Variants in CEP128 observed in about 807,000 individuals in gnomAD.
CEP128 encodes the protein centrosomal protein 128kDa.
Under a neutral mutation model 156.7 loss-of-function variants are expected in CEP128, and 132 were observed. That is an observed-to-expected ratio of 0.84 (90% CI 0.73 to 0.97). The LOEUF is 0.97. Among genes scored for constraint, CEP128 ranks in the 50% least tolerant of loss-of-function variants. The probability of loss-of-function intolerance (pLI) is 0.00; values close to 1 mark genes in which losing one functional copy is unlikely to be tolerated. For missense variants in CEP128, 1,252 were observed against 1,281.9 expected, an observed-to-expected ratio of 0.98 and a Z score of 0.36; for synonymous variants, 469 against 448.9, an observed-to-expected ratio of 1.04 and a Z score of -0.57.
At chr14:80,479,207 G>T (rs1887003282) in intron 14 of CEP128, among the ~76,000 whole-genome samples, 1 of 152,208 alleles carries the variant, frequency 6.6e-6, no homozygotes, top group African/African-American at 2.4e-5. Flanking sequence ...CTAATCTTAT[G>T]CTATTTTTAA....
chr14:80,603,330 T>C (rs557762260), intron 19 of CEP128, among the ~76,000 whole-genome samples: 69 of 152,328 alleles, frequency 4.5e-4, no homozygotes, highest in African/African-American at 1.6e-3. Flanking sequence ...AGATTTGTGG[T>C]TGCCAGAGGC....
intron 19 of CEP128, among the ~76,000 whole-genome samples, chr14:80,668,813 A>C (rs1183796431): frequency 1.3e-5 from 2 of 152,134 alleles, no homozygotes; most frequent in African/African-American, 4.8e-5. Context: ...GTGGGAGGTA[A>C]TTGAATCATA....
chr14:80,908,206 A>T (rs1325536611), intron 4 of CEP128, among the ~76,000 whole-genome samples: 1 of 152,192 alleles, frequency 6.6e-6, no homozygotes, highest in Non-Finnish European at 1.5e-5. Flanking sequence ...AGATCACAAA[A>T]TCCATAGCTT....
chr14:80,500,657 G>A (rs550807605), intron 24 of CEP128, among the ~76,000 whole-genome samples: 32 of 152,238 alleles, frequency 2.1e-4, no homozygotes, highest in African/African-American at 7.7e-4. Context: ...CCACTCCCCA[G>A]AGTCAGCTAT....
At chr14:80,584,141 ATTTTTTTTT>A (rs992004088) in intron 19 of CEP128, among the ~76,000 whole-genome samples, 2 of 117,372 alleles carry the variant, frequency 1.7e-5, no homozygotes, top group South Asian at 2.9e-4. Context: ...CGTCCGTGAC[ATTTTTTTTT>A]TTTTTTTTTT....
At position 80,895,620 on chromosome 14, in the gene CEP128, C is replaced by T. The variant is rs1889309188; in HGVS notation, c.645+98G>A. 7 of 746,900 alleles carry T rather than the reference C, an allele frequency of 9.4e-6. No individual in the cohort carries two copies. The East Asian group carries it at 1.7e-4, about 19-fold the overall frequency. The allele number at this position is 746,900 out of a possible 1,614,324, so 46.3% of individuals were successfully genotyped here. Reference sequence around the variant, plus strand: ...TTTTAGACAAAATGGGACATACCACCCAAAAGGTTAAACTCTACTAAACTT... The same window carrying T: ...TTTTAGACAAAATGGGACATACCACTCAAAAGGTTAAACTCTACTAAACTT... On this transcript the variant is annotated intron_variant, in intron 8 of 24. Coordinates refer to ENST00000555265, the MANE Select transcript of CEP128 (RefSeq NM_152446.5).
chr14:80,485,302 G>A (rs1887138002), intron 14 of CEP128, among the ~76,000 whole-genome samples: 1 of 152,066 alleles, frequency 6.6e-6, no homozygotes, highest in Non-Finnish European at 1.5e-5. Flanking sequence ...TATCTCAAAA[G>A]GGGTCAAGGA....
chr14:80,540,245 T>A (rs180934914), intron 21 of CEP128, among the ~76,000 whole-genome samples: 5 of 143,540 alleles, frequency 3.5e-5, no homozygotes, highest in African/African-American at 1.3e-4. Flanking sequence ...GGTCTGAGAC[T>A]CAGGGAGCAT....
At chr14:80,917,570 G>GTC (rs1884630840) in intron 2 of CEP128, among the ~76,000 whole-genome samples, 1 of 152,064 alleles carries the variant, frequency 6.6e-6, no homozygotes, top group Non-Finnish European at 1.5e-5. Context: ...ATCTCACTCT[G>GTC]TCACCCAGGC....
intron 19 of CEP128, among the ~76,000 whole-genome samples, chr14:80,581,730 T>C (rs1041701405): frequency 6.6e-6 from 1 of 152,208 alleles, no homozygotes; most frequent in Non-Finnish European, 1.5e-5. Flanking sequence ...GGTGTATTTT[T>C]AAAGGGGTTT....
chr14:80,502,511 ATTCTTT>A (rs1594917956), intron 24 of CEP128, among the ~76,000 whole-genome samples: 1 of 151,834 alleles, frequency 6.6e-6, no homozygotes, highest in African/African-American at 2.4e-5. Flanking sequence ...CTATTGTCTC[ATTCTTT>A]TTCTTTTTCT....
chr14:80,716,451 G>C (rs530900202), intron 19 of CEP128, among the ~76,000 whole-genome samples: 1 of 152,276 alleles, frequency 6.6e-6, no homozygotes, highest in East Asian at 1.9e-4. Flanking sequence ...ACAACCACCA[G>C]TATCTAAAGA....
chr14:80,509,692 C>T (rs1171257064), intron 23 of CEP128, among the ~76,000 whole-genome samples: 1 of 152,126 alleles, frequency 6.6e-6, no homozygotes. Context: ...TGGGGTATTC[C>T]TCAAAGTCTT....
chr14:80,647,118 C>CACAT (rs1555386215), intron 19 of CEP128, among the ~76,000 whole-genome samples: 9 of 121,358 alleles, frequency 7.4e-5, no homozygotes, highest in Admixed American at 2.7e-4. Context: ...CACACACACA[C>CACAT]ACACACATAC....
chr14:80,630,583 A>G (rs1021165058), intron 19 of CEP128, among the ~76,000 whole-genome samples: 3 of 152,030 alleles, frequency 2.0e-5, no homozygotes, highest in African/African-American at 7.2e-5. Context: ...ACCACAAGTT[A>G]CAATAAAAAT....
At chr14:80,711,124 T>C (rs140876831) in intron 19 of CEP128, among the ~76,000 whole-genome samples, 30 of 152,264 alleles carry the variant, frequency 2.0e-4, no homozygotes, top group Non-Finnish European at 3.5e-4. Context: ...ATTGTTTCTA[T>C]AGATCGAGTT....
intron 19 of CEP128, among the ~76,000 whole-genome samples, chr14:80,733,565 T>G (rs1447845347): frequency 6.6e-6 from 1 of 152,164 alleles, no homozygotes. Flanking sequence ...AATCTTTTTT[T>G]CAAATCATAA....
chr14:80,849,953 A>G (rs988387775), intron 9 of CEP128, among the ~76,000 whole-genome samples: 2 of 152,130 alleles, frequency 1.3e-5, no homozygotes, highest in African/African-American at 2.4e-5. Flanking sequence ...CGAAATATTA[A>G]AAGTGGAAAA....
intron 19 of CEP128, among the ~76,000 whole-genome samples, chr14:80,619,459 G>A (rs114781485): frequency 0.054 from 8,167 of 149,888 alleles, 272 homozygotes; most frequent in South Asian, 0.084. Flanking sequence ...CAGCATTTAG[G>A]GAGACCGAAG....
Sources: gnomAD v4.1 joint callset for allele counts (sites outside exome capture counted in the v4.1 genomes callset) on GRCh38, gnomAD v4.1.1 for gene constraint, MANE v1.5 for transcripts, NCBI Gene and HGNC (gene_info 2026-07-23, HGNC 2026-07-21) for gene names.